The following TRPM6 variants were observed in gnomAD, a reference collection of about 807,000 sequenced individuals.
TRPM6 encodes the protein transient receptor potential cation channel subfamily M member 6.
Under a neutral mutation model 247.6 loss-of-function variants are expected in TRPM6, and 111 were observed. The ratio of observed to expected loss-of-function variants is 0.45; its 90% confidence interval spans 0.38 to 0.52. The LOEUF (loss-of-function observed/expected upper bound fraction) is 0.52. TRPM6 is among the 20% of genes least tolerant of loss of function. The pLI, the probability that TRPM6 is intolerant of heterozygous loss-of-function variation, is 0.00. For synonymous variants in TRPM6, 892 were observed against 853.8 expected, an observed-to-expected ratio of 1.04 and a Z score of -0.78; for missense variants, 2,126 against 2,421.5, an observed-to-expected ratio of 0.88 and a Z score of 2.56.
At position 74,763,115 on chromosome 9, in the gene TRPM6, G is replaced by A. The variant is rs1253364198; in HGVS notation, c.3556C>T (p.Gln1186Ter). ...TSERVTEMYF[Q>*]LKEMNEKVSF... is the part of the protein sequence containing the mutation. ...ACCTTTTCATTCATTTCTTTCAGCT[G>A]GAAGTACATCTCTGTAACCCTAGTG... The change falls in exon 26 of 39, where the codon CAG (glutamine) becomes TAG (stop). Residue 1186 changes from glutamine to a stop codon, truncating the protein, a stop_gained. Coordinates refer to ENST00000360774, the MANE Select transcript of TRPM6 (RefSeq NM_017662.5). LOFTEE classifies it high-confidence loss of function. 9.9e-6 allele frequency: 16 copies of A among 1,611,704 alleles called. No homozygotes were observed. The highest frequency in any genetic ancestry group is 1.3e-5 in the Non-Finnish European group (15 of 1,179,994).
intron 6 of TRPM6, among the ~76,000 whole-genome samples, chr9:74,830,246 A>G (rs568031335): frequency 3.7e-4 from 57 of 152,218 alleles, no homozygotes; most frequent in Non-Finnish European, 7.2e-4. Context: ...AGGGAAATGT[A>G]AATAAGAAAA....
At chr9:74,790,184 T>C (rs184335664) in intron 19 of TRPM6, among the ~76,000 whole-genome samples, 100 of 152,254 alleles carry the variant, frequency 6.6e-4, no homozygotes, top group African/African-American at 2.3e-3. Flanking sequence ...TATGTAAGAA[T>C]GGTATTATTG....
At chr9:74,812,558 T>C (rs2117908849) in intron 11 of TRPM6, 125 bp from the exon 12 acceptor site, 1 of 937,950 alleles carries the variant, frequency 1.1e-6, no homozygotes, top group East Asian at 2.7e-5. Flanking sequence ...CTGCCATCAG[T>C]GGGTACAGAA....
chr9:74,855,694 G>C (rs898521306), intron 2 of TRPM6, 129 bp from the exon 3 acceptor site: 2 of 715,796 alleles, frequency 2.8e-6, no homozygotes, highest in Non-Finnish European at 5.0e-6. Flanking sequence ...CATATATCAT[G>C]TTCCAAATAT....
In TRPM6 at chr9:74,723,813, T is replaced by C. The variant is rs1378278992; in HGVS notation, c.*800A>G. Reference sequence around the variant, plus strand: ...ACTCCATCTCAAAAATAAAAATATATATATATATATATAAAATATATATAT... The same window carrying C: ...ACTCCATCTCAAAAATAAAAATATACATATATATATATAAAATATATATAT... On this transcript the variant is annotated 3_prime_UTR_variant, in exon 39 of 39. Coordinates refer to ENST00000360774, the MANE Select transcript of TRPM6 (RefSeq NM_017662.5). The C allele has an allele frequency of 6.8e-6, 1 of 146,170 alleles. No homozygotes were observed. Among genetic ancestry groups the C allele is most frequent in the African/African-American group, 2.5e-5 (1 of 40,222 alleles). 9.1% of individuals were successfully genotyped at this position (146,170 alleles called of 1,614,324 possible).
In TRPM6 at chr9:74,816,606, T is replaced by C. The variant is rs765359874; in HGVS notation, c.1308+63A>G. ...CAATATCTCCTCTCATTTTCTCTTT[T>C]GCCCCTTCCTAACAGACCATCACAC... On this transcript the variant is annotated intron_variant, in intron 11 of 38. Coordinates refer to ENST00000360774, the MANE Select transcript of TRPM6 (RefSeq NM_017662.5). 165 of 1,340,564 alleles carry C rather than the reference T, an allele frequency of 1.2e-4. 1 individual carries two copies. The highest frequency in any genetic ancestry group is 1.6e-4 in the Non-Finnish European group (148 of 943,424). The allele number at this position is 1,340,564 out of a possible 1,614,324, so 83.0% of individuals were successfully genotyped here.
At chr9:74,867,362 A>G (rs942204479) in intron 1 of TRPM6, among the ~76,000 whole-genome samples, 18 of 152,212 alleles carry the variant, frequency 1.2e-4, no homozygotes, top group African/African-American at 4.1e-4. Context: ...CCACATACAG[A>G]GAACTACTGC....
chr9:74,833,951 T>C lies in TRPM6; in HGVS notation c.669+47A>G, dbSNP rs376480894. On this transcript the variant is annotated intron_variant, in intron 6 of 38. Transcript: ENST00000360774. Reference sequence around the variant, plus strand: ...CAGGTACAGTGTTAAGCTGGCAATTTGCACACGTGTTCGTTTGCTTTTGTT... The same window carrying C: ...CAGGTACAGTGTTAAGCTGGCAATTCGCACACGTGTTCGTTTGCTTTTGTT... The C allele has an allele frequency of 1.9e-5, 31 of 1,611,086 alleles. No homozygotes were observed. In the African/African-American group the frequency reaches 2.8e-4, roughly 15 times the overall value.
chr9:74,724,882 A>G, intron 38 of TRPM6, 136 bp from the exon 39 acceptor site: 2 of 1,132,684 alleles, frequency 1.8e-6, no homozygotes, highest in South Asian at 1.4e-5. Flanking sequence ...GTGGAACTCA[A>G]ACCCTCAACC....
chr9:74,782,896 G>T, intron 21 of TRPM6, 43 bp from the exon 22 acceptor site: 1 of 1,598,592 alleles, frequency 6.3e-7, no homozygotes, highest in Non-Finnish European at 8.6e-7. Flanking sequence ...CCACAGATTT[G>T]AAGTTCAAAA....
chr9:74,834,174 C>T lies in TRPM6; in HGVS notation c.545-52G>A, dbSNP rs369873710. 8.1e-6 allele frequency: 13 copies of T among 1,610,062 alleles called. 1 individual carries two copies. Among genetic ancestry groups the T allele is most frequent in the African/African-American group, 2.7e-5 (2 of 74,822 alleles). ...ACTTTAATTCACAAATCGTGCAAAA[C>T]AAAGAGACTGCCAGAAACAGACAAA... On this transcript the variant is annotated intron_variant, in intron 5 of 38. Coordinates refer to ENST00000360774, the MANE Select transcript of TRPM6 (RefSeq NM_017662.5).
At chr9:74,736,184 A>G (rs969023440) in intron 36 of TRPM6, among the ~76,000 whole-genome samples, 3 of 152,240 alleles carry the variant, frequency 2.0e-5, no homozygotes, top group African/African-American at 7.2e-5. Context: ...CTATGGCTTA[A>G]GTGCCTAATA....
intron 1 of TRPM6, among the ~76,000 whole-genome samples, chr9:74,865,331 C>G (rs552195608): frequency 3.9e-5 from 6 of 152,304 alleles, no homozygotes; most frequent in Non-Finnish European, 8.8e-5. Context: ...CGAAAGACAT[C>G]CTTTTCCTCA....
At chr9:74,728,141 T>C in intron 38 of TRPM6, 98 bp downstream of exon 38, 1 of 996,712 alleles carries the variant, frequency 1.0e-6, no homozygotes, top group Non-Finnish European at 1.6e-6. Flanking sequence ...GTGAATGAGA[T>C]AAAAATGTGA....
chr9:74,728,038 A>G (rs939223366), intron 38 of TRPM6, among the ~76,000 whole-genome samples: 2 of 152,174 alleles, frequency 1.3e-5, no homozygotes, highest in African/African-American at 4.8e-5. Flanking sequence ...GTTTTATCAC[A>G]TTTTGGCAGA....
At chr9:74,845,344 A>G (rs541291584) in intron 3 of TRPM6, among the ~76,000 whole-genome samples, 1 of 152,168 alleles carries the variant, frequency 6.6e-6, no homozygotes, top group African/African-American at 2.4e-5. Flanking sequence ...ACTCATGTTC[A>G]TAGCAGCATT....
At chr9:74,856,552 A>G (rs1397425745) in intron 2 of TRPM6, among the ~76,000 whole-genome samples, 1 of 152,056 alleles carries the variant, frequency 6.6e-6, no homozygotes, top group Non-Finnish European at 1.5e-5. Context: ...TCCTAAAATA[A>G]GGGCCGCTCT....
chr9:74,871,703 G>A lies in TRPM6; in HGVS notation c.34-12955C>T, dbSNP rs779292157. On this transcript the variant is annotated intron_variant, in intron 1 of 38. Coordinates refer to ENST00000360774, the MANE Select transcript of TRPM6 (RefSeq NM_017662.5). ...GAGGTACCAATTTATAAGCACAATAGATGACTTACGAGCAACTTTTTTTTT... is the reference window on the plus strand; with the variant it reads ...GAGGTACCAATTTATAAGCACAATAAATGACTTACGAGCAACTTTTTTTTT... 5.0e-4 allele frequency among the ~76,000 whole-genome samples: 76 copies of A among 152,104 alleles called. No individual in the cohort carries two copies. The Middle Eastern group carries it at 0.01, about 20-fold the overall frequency.
chr9:74,804,438 T>C (rs1828459901), intron 14 of TRPM6: 2 of 561,918 alleles, frequency 3.6e-6, no homozygotes, highest in Non-Finnish European at 3.2e-6. Context: ...AGAAGCATTC[T>C]TAAAGGGACT....
Sources: gnomAD v4.1 joint callset for allele counts (sites outside exome capture counted in the v4.1 genomes callset) on GRCh38, gnomAD v4.1.1 for gene constraint, MANE v1.5 for transcripts, NCBI Gene and HGNC (gene_info 2026-07-23, HGNC 2026-07-21) for gene names.